VPS8: variants seen among roughly 807,000 people sequenced by gnomAD.
VPS8 encodes VPS8 subunit of CORVET complex.
VPS8 carries 129 observed loss-of-function variants against 216.4 expected under a neutral mutation model. That is an observed-to-expected ratio of 0.60 (90% CI 0.52 to 0.69). The LOEUF (loss-of-function observed/expected upper bound fraction) is 0.69, where lower values mean the gene tolerates loss of function less well. VPS8 is among the 30% of genes least tolerant of loss of function. The probability of loss-of-function intolerance (pLI) is 0.00; values close to 1 mark genes in which losing one functional copy is unlikely to be tolerated. For synonymous variants in VPS8, 571 were observed against 565.4 expected (o/e 1.01, Z -0.14); for missense variants, 1,531 against 1,683.5 (o/e 0.91, Z 1.59).
At chr3:185,026,059 A>G (rs2110083959) in intron 46 of VPS8, among the ~76,000 whole-genome samples, 1 of 152,234 alleles carries the variant, frequency 6.6e-6, no homozygotes, top group African/African-American at 2.4e-5. Context: ...TCCTAATCAG[A>G]TGTCCTCTTA....
chr3:184,984,154 G>A (rs1440665880), intron 42 of VPS8, among the ~76,000 whole-genome samples: 81 of 6,020 alleles, frequency 0.013, no homozygotes, highest in African/African-American at 0.022. Flanking sequence ...ACTGCACTCC[G>A]GCCTGGGCAA....
chr3:184,996,566 A>T (rs956161111), intron 44 of VPS8, 65 bp downstream of exon 44: 1 of 1,500,704 alleles, frequency 6.7e-7, no homozygotes, highest in Non-Finnish European at 9.0e-7. Flanking sequence ...CCAGGCAAGA[A>T]TCCACATGGA....
chr3:184,859,138 T>C (rs1275784641), intron 14 of VPS8, among the ~76,000 whole-genome samples: 8 of 152,334 alleles, frequency 5.3e-5, no homozygotes, highest in Admixed American at 1.3e-4. Context: ...CGTTGATCTC[T>C]TTCAATTAGG....
At chr3:185,033,519 A>G (rs1758462764) in intron 46 of VPS8, among the ~76,000 whole-genome samples, 1 of 152,160 alleles carries the variant, frequency 6.6e-6, no homozygotes, top group South Asian at 2.1e-4. Flanking sequence ...TTGTTTATCC[A>G]TTCACCTACT....
chr3:185,046,540 TTA>T (rs1285346588), intron 46 of VPS8, among the ~76,000 whole-genome samples: 18 of 152,122 alleles, frequency 1.2e-4, no homozygotes, highest in African/African-American at 3.6e-4. Context: ...CCTCCTCAGG[TTA>T]TACAGGGAGC....
intron 36 of VPS8, among the ~76,000 whole-genome samples, chr3:184,952,859 T>C (rs1363768733): frequency 6.6e-6 from 1 of 152,220 alleles, no homozygotes; most frequent in East Asian, 1.9e-4. Flanking sequence ...GTGAAACTGG[T>C]GAGCTGTCAC....
At chr3:184,821,785 C>T (rs1717650976) in intron 1 of VPS8, among the ~76,000 whole-genome samples, 1 of 152,118 alleles carries the variant, frequency 6.6e-6, no homozygotes, top group Non-Finnish European at 1.5e-5. Context: ...TGAATGATTT[C>T]TTTTCTGCAG....
chr3:184,964,379 A>G, intron 37 of VPS8, 89 bp from the exon 38 acceptor site: 1 of 695,296 alleles, frequency 1.4e-6, no homozygotes, highest in Non-Finnish European at 2.2e-6. Context: ...TTCATTATTT[A>G]TCATATGAGT....
At chr3:184,870,504 T>G (rs1353562885) in intron 20 of VPS8, among the ~76,000 whole-genome samples, 1 of 152,180 alleles carries the variant, frequency 6.6e-6, no homozygotes, top group Non-Finnish European at 1.5e-5. Flanking sequence ...AACATGGAGA[T>G]ATTTCTTAAG....
At chr3:184,872,025 T>C (rs1728432892) in intron 21 of VPS8, among the ~76,000 whole-genome samples, 1 of 152,098 alleles carries the variant, frequency 6.6e-6, no homozygotes, top group Non-Finnish European at 1.5e-5. Flanking sequence ...TAAGCCTAGA[T>C]AAAGTTATAA....
At chr3:184,984,194 A>AAAAAAAAAAAAAAAAAAAACTCACCAAG in intron 42 of VPS8, among the ~76,000 whole-genome samples, 3,101 of 46,456 alleles carry the variant, frequency 0.067, 1,319 homozygotes, top group African/African-American at 0.16. Context: ...AAAAAAAAAA[A>AAAAAAAAAAAAAAAAAAAACTCACCAAG]CTCTACTTCC....
At chr3:184,851,495 A>G (rs757721652) in intron 10 of VPS8, among the ~76,000 whole-genome samples, 3 of 152,078 alleles carry the variant, frequency 2.0e-5, no homozygotes, top group Non-Finnish European at 4.4e-5. Flanking sequence ...GTTTATATGA[A>G]TACACTACTT....
At chr3:184,851,309 A>T (rs2108658330) in intron 10 of VPS8, among the ~76,000 whole-genome samples, 1 of 152,340 alleles carries the variant, frequency 6.6e-6, no homozygotes, top group East Asian at 1.9e-4. Flanking sequence ...GTACATGTAG[A>T]TAATAACACT....
chr3:184,888,322 T>A (rs1395901513), intron 22 of VPS8, among the ~76,000 whole-genome samples: 1 of 152,162 alleles, frequency 6.6e-6, no homozygotes, highest in African/African-American at 2.4e-5. Flanking sequence ...TGGTCTGCTT[T>A]ATGAGGGCCT....
intron 39 of VPS8, among the ~76,000 whole-genome samples, chr3:184,970,332 C>T (rs963695013): frequency 1.6e-4 from 24 of 152,144 alleles, no homozygotes; most frequent in African/African-American, 5.8e-4. Flanking sequence ...CTACCCACTG[C>T]ACAAAGAACG....
At chr3:184,835,236 A>G (rs1256693956) in intron 5 of VPS8, among the ~76,000 whole-genome samples, 1 of 152,102 alleles carries the variant, frequency 6.6e-6, no homozygotes, top group Non-Finnish European at 1.5e-5. Flanking sequence ...CTATTTTACA[A>G]ATGAGAAGAT....
chr3:184,882,404 A>G lies in VPS8; in HGVS notation c.1735-3706A>G, dbSNP rs1344610279. 3 of 455,046 alleles carry G rather than the reference A, an allele frequency of 6.6e-6. No individual in the cohort carries two copies. The Admixed American group carries it at 7.1e-5, about 11-fold the overall frequency. The allele number at this position is 455,046 out of a possible 1,614,324, so 28.2% of individuals were successfully genotyped here. A position where few individuals can be genotyped will look rare whatever the true frequency, so the allele number is the denominator to read the frequency against. ...TTTTTGAATATTGAACCAGTCTTGCATCCTGGAATAAACCTCACTTGGTCA... is the reference window on the plus strand; with the variant it reads ...TTTTTGAATATTGAACCAGTCTTGCGTCCTGGAATAAACCTCACTTGGTCA... On this transcript the variant is annotated intron_variant, in intron 21 of 47. Transcript: ENST00000625842.
chr3:184,850,548 A>G (rs1724050272), intron 10 of VPS8, among the ~76,000 whole-genome samples: 2 of 152,318 alleles, frequency 1.3e-5, no homozygotes, highest in East Asian at 1.9e-4. Flanking sequence ...CTCTAAAGGG[A>G]AAGCATTAAG....
chr3:185,041,407 G>A (rs1241610558), intron 46 of VPS8, among the ~76,000 whole-genome samples: 7 of 152,076 alleles, frequency 4.6e-5, no homozygotes, highest in Middle Eastern at 3.2e-3. Flanking sequence ...GGGGCTGTGT[G>A]TGAGACCATC....
Sources: gnomAD v4.1 joint callset for allele counts (sites outside exome capture counted in the v4.1 genomes callset) on GRCh38, gnomAD v4.1.1 for gene constraint, MANE v1.5 for transcripts, NCBI Gene and HGNC (gene_info 2026-07-23, HGNC 2026-07-21) for gene names.